The following ACADVL variants were observed in gnomAD, a reference collection of about 807,000 sequenced individuals.
ACADVL encodes the protein very long-chain acyl-CoA dehydrogenase, mitochondrial.
ACADVL carries 73 observed loss-of-function variants against 80.4 expected under a neutral mutation model. The ratio of observed to expected loss-of-function variants is 0.91; its 90% CI spans 0.75 to 1.10. The LOEUF (loss-of-function observed/expected upper bound fraction) is 1.10. Among genes scored for constraint, ACADVL ranks in the 50% least tolerant of loss-of-function variants. ACADVL has a pLI of 0.00. For synonymous variants in ACADVL, 392 were observed against 326.5 expected (o/e 1.20, Z -2.16); for missense variants, 878 against 858.9 (o/e 1.02, Z -0.28).
At chr17:7,217,920 G>A, upstream of ACADVL, 2 of 1,180,684 alleles carry the variant, frequency 1.7e-6, no homozygotes, top group African/African-American at 3.0e-5. Context: ...GCGGTAGGGG[G>A]TCGGGTGTGA....
In ACADVL at chr17:7,224,233, C is replaced by G. The variant is rs2071366876; in HGVS notation, c.1522C>G (p.Gln508Glu). ...CCTCCTGCTAGGAGAGGCAGGCAAA[C>G]AGCTGAGGCGGTAGGCTTAGGGCCA... is the stretch of plus-strand genomic sequence containing the variant. The part of the protein sequence containing the change: ...AGLLLGEAGK[Q>E]LRRRAGLGSG... The change falls in exon 15 of 20, where the codon CAG (glutamine) becomes GAG (glutamate). Residue 508 changes from glutamine (Q) to glutamate (E), a missense_variant. By Grantham distance (29) the Gln-to-Glu change is conservative. Coordinates refer to ENST00000356839, the MANE Select transcript of ACADVL (RefSeq NM_000018.4). 1.2e-6 allele frequency: 2 copies of G among 1,613,802 alleles called. No individual in the cohort carries two copies. Among genetic ancestry groups the G allele is most frequent in the Non-Finnish European group, 1.7e-6 (2 of 1,180,028 alleles).
chr17:7,223,517 C>A, intron 11 of ACADVL, 127 bp from the exon 12 acceptor site: 1 of 1,060,220 alleles, frequency 9.4e-7, no homozygotes, highest in Non-Finnish European at 1.5e-6. Flanking sequence ...ATGAACTGAC[C>A]CAGAACAAGT....
At position 7,225,149 on chromosome 17, in the gene ACADVL, C is replaced by T. The variant is rs756116846; in HGVS notation, c.*52C>T. 2 of 1,612,552 alleles carry T rather than the reference C, an allele frequency of 1.2e-6. No individual in the cohort carries two copies. Among genetic ancestry groups the T allele is most frequent in the Admixed American group, 1.7e-5 (1 of 60,028 alleles). ...TTATGTGCCTTCCCTCAAGCCAAAGCCGAAGCCCCTTTCCTTAAGGCCCTG... is the reference window on the plus strand; with the variant it reads ...TTATGTGCCTTCCCTCAAGCCAAAGTCGAAGCCCCTTTCCTTAAGGCCCTG... On this transcript the variant is annotated 3_prime_UTR_variant, in exon 20 of 20. Transcript: ENST00000356839.
intron 9 of ACADVL, 135 bp from the exon 10 acceptor site, chr17:7,222,532 G>A: frequency 2.6e-6 from 3 of 1,171,234 alleles, no homozygotes; most frequent in African/African-American, 1.5e-5. Flanking sequence ...GGGCCTGAGG[G>A]GAAGTGGTGG....
Position 7,222,287 on chromosome 17 carries a change from TC to T in ACADVL, c.864del (p.Phe288LeufsTer65), listed in dbSNP as rs1555528386. On this transcript the variant is annotated frameshift_variant, in exon 9 of 20. Coordinates refer to ENST00000356839, the MANE Select transcript of ACADVL (RefSeq NM_000018.4). LOFTEE classifies it high-confidence loss of function. ...ACAGCTTTTGTGGTGGAGAGGGGCT[TC>T]GGGGGCATTACCCAGTGAGTGAATT... ...KITAFVVERGFGGITHGPPEK... is the reference protein window; with the variant it reads ...KITAFVVERGXGGITHGPPEK... 1 of 1,613,940 alleles carries T rather than the reference TC, an allele frequency of 6.2e-7. No individual in the cohort carries two copies. The highest frequency in any genetic ancestry group is 8.5e-7 in the Non-Finnish European group (1 of 1,179,960).
rs768350660 is a variant in ACADVL, at chr17:7,224,568, A to G, written c.1678+16A>G. 7.5e-6 allele frequency: 12 copies of G among 1,609,556 alleles called. No homozygotes were observed. The highest frequency in any genetic ancestry group is 1.0e-5 in the Non-Finnish European group (12 of 1,179,858). On this transcript the variant is annotated intron_variant, in intron 17 of 19. Transcript: ENST00000356839. ...GGGATTGTCAGTAAGTGAGCTCTAC[A>G]CCATTCCGCCCCTCCCTTTCCTCTC...
Position 7,220,160 on chromosome 17 carries a change from GC to G in ACADVL, c.104del (p.Pro35LeufsTer26), listed in dbSNP as rs1443151475. The G allele has an allele frequency of 4.5e-6, 7 of 1,540,236 alleles. No homozygotes were observed. Among genetic ancestry groups the G allele is most frequent in the Admixed American group, 3.9e-5 (2 of 50,974 alleles). On this transcript the variant is annotated frameshift_variant, in exon 2 of 20. Coordinates refer to ENST00000356839, the MANE Select transcript of ACADVL (RefSeq NM_000018.4). LOFTEE classifies it high-confidence loss of function. ...LTALLGQPRP[G>X]PARRPYAGGA... ...GCGCTCCTGGGGCAGCCCCGGCCCG[GC>G]CCTGCCCGGCGGCCCTATGCCGGGG...
upstream of ACADVL, chr17:7,219,012 A>G (rs3826409): frequency 4.6e-4 from 337 of 728,364 alleles, 2 homozygotes; most frequent in East Asian, 7.4e-3. Context: ...ATCTTGCTCC[A>G]CACACCCTGG....
upstream of ACADVL, chr17:7,218,984 G>A (rs2071063374): frequency 1.1e-6 from 1 of 919,126 alleles, no homozygotes; most frequent in Admixed American, 2.0e-5. Context: ...CAGGTCCCAA[G>A]GCACCAGCAC....
rs747672165 is a variant in ACADVL, at chr17:7,219,997, C to G, written c.13C>G (p.Arg5Gly). The G allele has an allele frequency of 6.2e-7, 1 of 1,603,212 alleles. No homozygotes were observed. Among genetic ancestry groups the G allele is most frequent in the East Asian group, 2.2e-5 (1 of 44,646 alleles). The change falls in exon 1 of 20, where the codon CGG becomes GGG. Residue 5 changes from arginine to glycine, a missense_variant. By Grantham distance (125) the Arg-to-Gly change is moderately radical (BLOSUM62 -2). Coordinates refer to ENST00000356839, the MANE Select transcript of ACADVL (RefSeq NM_000018.4). Reference protein sequence around the residue: MQAARMAASLGRQLL... With the variant: MQAAGMAASLGRQLL... Reference sequence around the variant, plus strand: ...GAGAGATTCGGAGATGCAGGCGGCTCGGATGGCCGCGAGCTTGGGGCGGCA... The same window carrying G: ...GAGAGATTCGGAGATGCAGGCGGCTGGGATGGCCGCGAGCTTGGGGCGGCA...
upstream of ACADVL, chr17:7,217,163 C>T (rs1007706923): frequency 2.3e-5 from 30 of 1,287,418 alleles, no homozygotes; most frequent in Admixed American, 8.1e-5. Context: ...GGGGCCTGGC[C>T]GCGGCGGCGG....
At chr17:7,218,916 A>G, upstream of ACADVL, 1 of 1,569,110 alleles carries the variant, frequency 6.4e-7, no homozygotes, top group Non-Finnish European at 8.8e-7. Flanking sequence ...TCTCCCCACT[A>G]AATTCCAGCT....
chr17:7,225,213 C>A lies in ACADVL; in HGVS notation c.*116C>A. On this transcript the variant is annotated 3_prime_UTR_variant, in exon 20 of 20. Transcript: ENST00000356839. ...GGGCCTAGTGTTCCCAGCACTGTGC[C>A]TGCTCTCAAGAGCACTTACTGCCTC... 6.9e-7 allele frequency: 1 copy of A among 1,452,388 alleles called. No homozygotes were observed. Among genetic ancestry groups the A allele is most frequent in the South Asian group, 1.2e-5 (1 of 86,678 alleles). The allele number at this position is 1,452,388 out of a possible 1,614,324, so 90.0% of individuals were successfully genotyped here.
At position 7,221,555 on chromosome 17, in the gene ACADVL, G is replaced by T. The variant is rs370169077; in HGVS notation, c.495G>T (p.Glu165Asp). ...CCCTCCAGTACGCCCGTTTGGTGGA[G>T]ATCGTGGGCATGCATGACCTTGGCG... ...LCNTQYARLV[E>D]IVGMHDLGVG... is the part of the protein sequence containing the mutation. Residue 165 changes from glutamate to aspartate, a missense_variant, in exon 7 of 20, where the codon GAG becomes GAT. By Grantham distance (45) the Glu-to-Asp change is conservative. Coordinates refer to ENST00000356839, the MANE Select transcript of ACADVL (RefSeq NM_000018.4). The T allele has an allele frequency of 4.3e-5, 69 of 1,614,044 alleles. No homozygotes were observed. The Middle Eastern group carries it at 6.6e-4, about 15-fold the overall frequency.
Position 7,224,048 on chromosome 17 carries a change from T to G in ACADVL, c.1413T>G (p.Phe471Leu). The change falls in exon 14 of 20, where the codon TTT (phenylalanine) becomes TTG (leucine). Residue 471 changes from phenylalanine (F) to leucine (L), a missense_variant. Transcript: ENST00000356839. Reference protein sequence around the residue: ...FEGTNDILRLFVALQGCMDKG... With the variant: ...FEGTNDILRLLVALQGCMDKG... Reference sequence around the variant, plus strand: ...GGACAAATGACATTCTTCGGCTGTTTGTGGCTCTGCAGGGCTGTATGGTAA... The same window carrying G: ...GGACAAATGACATTCTTCGGCTGTTGGTGGCTCTGCAGGGCTGTATGGTAA... 1 of 1,614,112 alleles carries G rather than the reference T, an allele frequency of 6.2e-7. No homozygotes were observed. The highest frequency in any genetic ancestry group is 8.5e-7 in the Non-Finnish European group (1 of 1,180,018).
Position 7,220,533 on chromosome 17 carries a change from G to C in ACADVL, c.204+4G>C, listed in dbSNP as rs764767909. ...CAGGAAAAAACCGGCCAAGGCGGTA[G>C]GTAGCCCCGAGGCCAGGTGGACCTT... On this transcript the variant is annotated splice_donor_region_variant and intron_variant, in intron 3 of 19. Transcript: ENST00000356839. The C allele has an allele frequency of 3.1e-6, 5 of 1,614,132 alleles. No homozygotes were observed. The highest frequency in any genetic ancestry group is 4.2e-6 in the Non-Finnish European group (5 of 1,180,052).
upstream of ACADVL, chr17:7,217,149 T>C: frequency 2.3e-6 from 3 of 1,290,184 alleles, no homozygotes; most frequent in Non-Finnish European, 3.0e-6. Flanking sequence ...ACAGTCCATG[T>C]TGGGGGGCCT....
Position 7,222,077 on chromosome 17 carries a change from A to T in ACADVL, c.748A>T (p.Ile250Phe). The change falls in exon 8 of 20, where the codon ATC (isoleucine) becomes TTC (phenylalanine). Residue 250 changes from isoleucine (I) to phenylalanine (F), a missense_variant. Transcript: ENST00000356839. ...YYTLNGSKLW[I>F]SNGGLADIFT... ...TACCCTCAATGGAAGCAAGCTTTGG[A>T]TCAGGCAACCTGCCTCCCATTTCTC... 2 of 1,614,126 alleles carry T rather than the reference A, an allele frequency of 1.2e-6. No individual in the cohort carries two copies. Among genetic ancestry groups the T allele is most frequent in the Non-Finnish European group, 1.7e-6 (2 of 1,180,014 alleles).
intron 9 of ACADVL, 89 bp downstream of exon 9, chr17:7,222,391 T>C (rs1325659585): frequency 6.4e-7 from 1 of 1,553,904 alleles, no homozygotes; most frequent in Admixed American, 1.8e-5. Context: ...CCTGGGGACG[T>C]GTGCAAAAGC....
Sources: allele counts gnomAD v4.1 joint callset, GRCh38; gene constraint gnomAD v4.1.1; transcripts MANE v1.5; gene names NCBI Gene and HGNC (gene_info 2026-07-23, HGNC 2026-07-21).